The following SLC10A7 variants were observed in gnomAD, a reference collection of about 807,000 sequenced individuals.
The protein encoded by SLC10A7 is sodium/bile acid cotransporter 7.
In SLC10A7, 29 loss-of-function variants were observed where a neutral mutation model predicts 43.2. The ratio of observed to expected loss-of-function variants is 0.67; its 90% confidence interval spans 0.50 to 0.92. The LOEUF (loss-of-function observed/expected upper bound fraction) is 0.92, where lower values mean the gene tolerates loss of function less well. SLC10A7 is among the 40% of genes least tolerant of loss of function. The probability of loss-of-function intolerance (pLI) is 0.00; values close to 1 mark genes in which losing one functional copy is unlikely to be tolerated. For synonymous variants in SLC10A7, 152 were observed against 144.8 expected (o/e 1.05, Z -0.35); for missense variants, 295 against 403.2 (o/e 0.73, Z 2.30).
chr4:146,438,227 T>A (rs1389212509), intron 5 of SLC10A7, among the ~76,000 whole-genome samples: 1 of 151,976 alleles, frequency 6.6e-6, no homozygotes, highest in Non-Finnish European at 1.5e-5. Context: ...ATAAACTGGC[T>A]AGTTTTTCAG....
At chr4:146,466,805 C>A (rs1312896657) in intron 4 of SLC10A7, among the ~76,000 whole-genome samples, 3 of 152,086 alleles carry the variant, frequency 2.0e-5, no homozygotes, top group East Asian at 1.9e-4. Context: ...TTAAATGCAT[C>A]AGTGGTGAAA....
At chr4:146,306,604 TTTC>T (rs1450327967) in intron 6 of SLC10A7, among the ~76,000 whole-genome samples, 1 of 152,124 alleles carries the variant, frequency 6.6e-6, no homozygotes, top group Non-Finnish European at 1.5e-5. Context: ...AATTCCTATT[TTTC>T]TTCTTCCTCA....
intron 10 of SLC10A7, among the ~76,000 whole-genome samples, chr4:146,263,619 C>T (rs1021660474): frequency 3.3e-5 from 5 of 152,148 alleles, no homozygotes; most frequent in African/African-American, 1.2e-4. Context: ...AATTTTAATG[C>T]TCCCAGGTAC....
intron 7 of SLC10A7, among the ~76,000 whole-genome samples, chr4:146,297,078 G>A (rs1463307280): frequency 1.3e-5 from 2 of 152,140 alleles, no homozygotes; most frequent in African/African-American, 4.8e-5. Context: ...CCAAGATGAG[G>A]TGGGAGAAGA....
At chr4:146,519,590 G>A (rs1391550910) in intron 1 of SLC10A7, among the ~76,000 whole-genome samples, 1 of 152,070 alleles carries the variant, frequency 6.6e-6, no homozygotes, top group South Asian at 2.1e-4. Flanking sequence ...CTTTATATTT[G>A]TTAGTGAATC....
At position 146,322,881 on chromosome 4, in the gene SLC10A7, CTGT is replaced by C. The variant is rs567460629; in HGVS notation, c.471+3077_471+3079del. Among the ~76,000 whole-genome samples the C allele has an allele frequency of 6.7e-3, 1,026 of 152,258 alleles. 13 individuals are homozygous for C. The highest frequency in any genetic ancestry group is 0.023 in the African/African-American group (970 of 41,548). The stretch of plus-strand genomic sequence containing the variant: ...TATTTCTCCATATCCTCTCCAGCAC[CTGT>C]TGTTTCCTGACTTTTTAATGATTGC... On this transcript the variant is annotated intron_variant, in intron 6 of 11. Coordinates refer to ENST00000335472, the MANE Select transcript of SLC10A7 (RefSeq NM_001029998.6).
chr4:146,415,152 T>C lies in SLC10A7; in HGVS notation c.435+27631A>G, dbSNP rs564290873. ...GGATTCAGTACTGAAAAGTTCAAAT[T>C]ATGGAATTTTTTAAGAGAAAGAAAC... On this transcript the variant is annotated intron_variant, in intron 5 of 11. Transcript: ENST00000335472. Among the ~76,000 whole-genome samples the C allele has an allele frequency of 3.3e-4, 51 of 152,258 alleles. No individual in the cohort carries two copies. The South Asian group carries it at 0.01, about 30-fold the overall frequency.
chr4:146,356,158 T>C (rs1277949476), intron 5 of SLC10A7, among the ~76,000 whole-genome samples: 1 of 151,178 alleles, frequency 6.6e-6, no homozygotes, highest in African/African-American at 2.4e-5. Flanking sequence ...CTCTCATGCA[T>C]ACTTACTTAA....
chr4:146,336,552 T>G (rs556843046), intron 5 of SLC10A7, among the ~76,000 whole-genome samples: 2 of 152,210 alleles, frequency 1.3e-5, no homozygotes, highest in East Asian at 3.9e-4. Flanking sequence ...CCCTTTATGA[T>G]TTGTCAAAGA....
chr4:146,290,193 G>A (rs776934663), intron 9 of SLC10A7, among the ~76,000 whole-genome samples: 44 of 151,192 alleles, frequency 2.9e-4, no homozygotes, highest in African/African-American at 1.0e-3. Context: ...GCGTGGTGGC[G>A]GGAGCCTGTA....
At chr4:146,298,444 A>G (rs1193321140) in intron 7 of SLC10A7, among the ~76,000 whole-genome samples, 2 of 152,216 alleles carry the variant, frequency 1.3e-5, no homozygotes, top group African/African-American at 4.8e-5. Context: ...ACTAATATGA[A>G]AGGCCCATCT....
At chr4:146,284,130 T>C (rs1397604003) in intron 9 of SLC10A7, among the ~76,000 whole-genome samples, 1 of 152,170 alleles carries the variant, frequency 6.6e-6, no homozygotes, top group Non-Finnish European at 1.5e-5. Context: ...ATTGTGCCCT[T>C]ATATTTTAGA....
At chr4:146,270,727 T>C (rs1215769084) in intron 10 of SLC10A7, among the ~76,000 whole-genome samples, 1 of 152,190 alleles carries the variant, frequency 6.6e-6, no homozygotes, top group East Asian at 1.9e-4. Flanking sequence ...GCTATCTATG[T>C]GAACTGGGGT....
intron 5 of SLC10A7, among the ~76,000 whole-genome samples, chr4:146,378,985 C>T (rs1234103945): frequency 6.6e-6 from 1 of 152,036 alleles, no homozygotes. Context: ...TCCAGGCCCA[C>T]AAACAGAGCC....
chr4:146,380,016 C>A (rs1376732016), intron 5 of SLC10A7, among the ~76,000 whole-genome samples: 1 of 151,162 alleles, frequency 6.6e-6, no homozygotes, highest in Non-Finnish European at 1.5e-5. Context: ...GGTAAGCAAG[C>A]AAGAGAGCTG....
chr4:146,398,678 A>G (rs1217092836), intron 5 of SLC10A7, among the ~76,000 whole-genome samples: 1 of 152,244 alleles, frequency 6.6e-6, no homozygotes, highest in African/African-American at 2.4e-5. Context: ...GTGGCTTTGT[A>G]AAGGCTTTGA....
intron 3 of SLC10A7, among the ~76,000 whole-genome samples, chr4:146,504,748 C>T (rs1376875944): frequency 6.6e-6 from 1 of 152,138 alleles, no homozygotes; most frequent in Admixed American, 6.5e-5. Context: ...ATCTTCATCT[C>T]ACAAAAGACA....
intron 5 of SLC10A7, among the ~76,000 whole-genome samples, chr4:146,327,411 C>T (rs1199059821): frequency 6.6e-6 from 1 of 152,132 alleles, no homozygotes; most frequent in East Asian, 1.9e-4. Flanking sequence ...TTTAGGAGAG[C>T]CAAATGTGCT....
At chr4:146,316,511 A>G (rs1293177596) in intron 6 of SLC10A7, among the ~76,000 whole-genome samples, 1 of 152,088 alleles carries the variant, frequency 6.6e-6, no homozygotes, top group Non-Finnish European at 1.5e-5. Context: ...CCCAGAAAGC[A>G]GGCCTTTACC....
Sources: allele counts gnomAD v4.1 joint callset (sites outside exome capture counted in the v4.1 genomes callset), GRCh38; gene constraint gnomAD v4.1.1; transcripts MANE v1.5; gene names NCBI Gene and HGNC (gene_info 2026-07-23, HGNC 2026-07-21).